The following CTNNA3 variants were observed in gnomAD, a reference collection of about 807,000 sequenced individuals.
CTNNA3 encodes the protein catenin alpha 3.
In CTNNA3, 76 loss-of-function variants were observed where a neutral mutation model predicts 95.7. The observed-to-expected ratio is 0.79, with a 90% CI of 0.66 to 0.96. The LOEUF is 0.96. CTNNA3 is among the 40% of genes least tolerant of loss of function. The pLI is 0.00. For missense variants in CTNNA3, 1,191 were observed against 1,089.8 expected (o/e 1.09, Z -1.31); for synonymous variants, 431 against 374.4 (o/e 1.15, Z -1.74).
intron 13 of CTNNA3, among the ~76,000 whole-genome samples, chr10:66,115,890 G>C (rs918776948): frequency 2.4e-4 from 36 of 152,090 alleles, no homozygotes; most frequent in African/African-American, 8.7e-4. Flanking sequence ...GGGGGGTGTT[G>C]CTCCATAAGA....
intron 9 of CTNNA3, among the ~76,000 whole-genome samples, chr10:66,681,287 G>T (rs763597166): frequency 5.3e-5 from 8 of 152,230 alleles, no homozygotes; most frequent in East Asian, 1.9e-4. Context: ...CCATCAATGT[G>T]CTGGAGTCAC....
intron 7 of CTNNA3, among the ~76,000 whole-genome samples, chr10:67,019,571 T>C (rs1283372318): frequency 6.6e-6 from 1 of 152,234 alleles, no homozygotes; most frequent in Non-Finnish European, 1.5e-5. Context: ...TATAAAATTA[T>C]GTACACTTTA....
At chr10:67,372,667 A>T (rs1293048616) in intron 5 of CTNNA3, among the ~76,000 whole-genome samples, 1 of 152,170 alleles carries the variant, frequency 6.6e-6, no homozygotes, top group Non-Finnish European at 1.5e-5. Flanking sequence ...TCCAAGACAC[A>T]TAATTGTCAG....
intron 7 of CTNNA3, among the ~76,000 whole-genome samples, chr10:66,783,074 G>A (rs1334736952): frequency 6.6e-6 from 1 of 152,046 alleles, no homozygotes; most frequent in African/African-American, 2.4e-5. Context: ...TTCTCTGTTG[G>A]TATCTAGTCT....
At chr10:66,707,422 G>A (rs1848153222) in intron 9 of CTNNA3, among the ~76,000 whole-genome samples, 1 of 151,634 alleles carries the variant, frequency 6.6e-6, no homozygotes, top group Non-Finnish European at 1.5e-5. Flanking sequence ...CTTAGCAACT[G>A]GATCGTAAAA....
At chr10:66,366,727 T>C (rs564422364) in intron 12 of CTNNA3, among the ~76,000 whole-genome samples, 46 of 152,238 alleles carry the variant, frequency 3.0e-4, no homozygotes, top group African/African-American at 1.1e-3. Flanking sequence ...CTGGATGAAC[T>C]GAGATGGTCT....
At chr10:66,273,723 C>T (rs1472477884) in intron 13 of CTNNA3, among the ~76,000 whole-genome samples, 2 of 152,004 alleles carry the variant, frequency 1.3e-5, no homozygotes, top group Admixed American at 1.3e-4. Context: ...AATTAAACAA[C>T]TTTATTTGAA....
intron 13 of CTNNA3, among the ~76,000 whole-genome samples, chr10:66,256,228 G>T (rs1452528770): frequency 6.6e-6 from 1 of 152,126 alleles, no homozygotes; most frequent in Non-Finnish European, 1.5e-5. Context: ...TAGACTGCTG[G>T]ACACTATGCA....
chr10:65,961,902 T>TTGA (rs1285472882), intron 17 of CTNNA3, among the ~76,000 whole-genome samples: 1 of 152,172 alleles, frequency 6.6e-6, no homozygotes, highest in Admixed American at 6.5e-5. Flanking sequence ...ATTTTTGACC[T>TTGA]TGATAATAAC....
chr10:67,466,068 AT>A (rs1267547975), intron 5 of CTNNA3, among the ~76,000 whole-genome samples: 2 of 152,170 alleles, frequency 1.3e-5, no homozygotes, highest in Non-Finnish European at 2.9e-5. Context: ...ATCAAAACTT[AT>A]TTTGGAGTTA....
chr10:67,556,027 T>G (rs990009508), intron 3 of CTNNA3, among the ~76,000 whole-genome samples: 1 of 152,212 alleles, frequency 6.6e-6, no homozygotes, highest in African/African-American at 2.4e-5. Flanking sequence ...GGTTTTTGTC[T>G]TTGGTTCTGT....
intron 15 of CTNNA3, among the ~76,000 whole-genome samples, chr10:66,027,372 G>A (rs2079362418): frequency 6.6e-6 from 1 of 152,018 alleles, no homozygotes; most frequent in African/African-American, 2.4e-5. Context: ...ATTGTTGTTA[G>A]TAACACTAGG....
intron 5 of CTNNA3, among the ~76,000 whole-genome samples, chr10:67,496,607 T>C (rs1286146814): frequency 6.6e-6 from 1 of 152,204 alleles, no homozygotes; most frequent in Non-Finnish European, 1.5e-5. Context: ...TATAGGTAAC[T>C]GAATATGAAA....
chr10:67,091,907 A>G (rs1834366694), intron 7 of CTNNA3, among the ~76,000 whole-genome samples: 1 of 152,098 alleles, frequency 6.6e-6, no homozygotes, highest in Non-Finnish European at 1.5e-5. Context: ...AAATTTAAAG[A>G]CAAATTAGAG....
At chr10:65,935,190 C>A (rs778634370) in intron 17 of CTNNA3, among the ~76,000 whole-genome samples, 1 of 152,078 alleles carries the variant, frequency 6.6e-6, no homozygotes, top group East Asian at 1.9e-4. Context: ...TATATTTCAA[C>A]GTATCTTCAA....
chr10:67,198,520 G>C (rs1373246576), intron 6 of CTNNA3, among the ~76,000 whole-genome samples: 1 of 152,158 alleles, frequency 6.6e-6, no homozygotes, highest in Admixed American at 6.5e-5. Flanking sequence ...ACAGGGAAAA[G>C]ATACTCTGAG....
chr10:66,560,909 C>G (rs976027924), intron 10 of CTNNA3, among the ~76,000 whole-genome samples: 1 of 151,920 alleles, frequency 6.6e-6, no homozygotes, highest in African/African-American at 2.4e-5. Context: ...AGAGCACAGC[C>G]ATTTGTAAAC....
chr10:67,725,981 ATATAC>A (rs1234873117), intron 1 of CTNNA3, among the ~76,000 whole-genome samples: 2 of 139,344 alleles, frequency 1.4e-5, no homozygotes, highest in African/African-American at 2.6e-5. Flanking sequence ...AATATATACT[ATATAC>A]TATATATTAT....
At chr10:66,472,394 A>G (rs1839169090) in intron 11 of CTNNA3, among the ~76,000 whole-genome samples, 1 of 151,942 alleles carries the variant, frequency 6.6e-6, no homozygotes, top group Non-Finnish European at 1.5e-5. Context: ...AAGGGGGAGG[A>G]AAATCAGGGA....
Sources: gnomAD v4.1 joint callset for allele counts (sites outside exome capture counted in the v4.1 genomes callset) on GRCh38, gnomAD v4.1.1 for gene constraint, MANE v1.5 for transcripts, NCBI Gene and HGNC (gene_info 2026-07-23, HGNC 2026-07-21) for gene names.